ARMC9: variants seen among roughly 807,000 people sequenced by gnomAD.
ARMC9 encodes the protein lisH domain-containing protein ARMC9.
In ARMC9, 94 loss-of-function variants were observed where a neutral mutation model predicts 107.0. The observed-to-expected ratio is 0.88, with a 90% CI of 0.74 to 1.04. ARMC9 has a LOEUF of 1.04. ARMC9 is among the 50% of genes least tolerant of loss of function. The probability of loss-of-function intolerance (pLI) is 0.00; values close to 1 mark genes in which losing one functional copy is unlikely to be tolerated. For synonymous variants in ARMC9, 380 were observed against 396.9 expected (o/e 0.96, Z 0.51); for missense variants, 942 against 1,030.1 (o/e 0.91, Z 1.17).
At chr2:231,356,434 AATAT>A (rs1460068840) in intron 22 of ARMC9, among the ~76,000 whole-genome samples, 3 of 152,212 alleles carry the variant, frequency 2.0e-5, no homozygotes, top group East Asian at 3.8e-4. Context: ...TGCCAGAAAA[AATAT>A]ATATACTTTG....
At chr2:231,273,321 C>T (rs1331206389) in intron 14 of ARMC9, among the ~76,000 whole-genome samples, 1 of 152,166 alleles carries the variant, frequency 6.6e-6, no homozygotes, top group Non-Finnish European at 1.5e-5. Context: ...TATCGAGTGC[C>T]AGCCATGCAG....
chr2:231,350,341 TAAAAC>T lies in ARMC9; in HGVS notation c.1994+5256_1994+5260del, dbSNP rs374813740. On this transcript the variant is annotated intron_variant, in intron 21 of 24. Coordinates refer to ENST00000611582, the MANE Select transcript of ARMC9 (RefSeq NM_001352754.2). ...GTGCCTGGCCTTAAAAGTTGAAAAT[TAAAAC>T]AAAAATATTACGGTACTTTGTTAGA... 5.7e-3 allele frequency among the ~76,000 whole-genome samples: 867 copies of T among 152,110 alleles called. 7 individuals are homozygous for T. Among genetic ancestry groups the T allele is most frequent in the African/African-American group, 0.017 (709 of 41,518 alleles).
rs773618086 is a variant in ARMC9, at chr2:231,269,398, C to CTTTTTTT, written c.1120-1569_1120-1563dup. On this transcript the variant is annotated intron_variant, in intron 12 of 24. Transcript: ENST00000611582. ...TCTTTAGGAGATTTCTTTTCTTCTTCTTTTTTTTTTTTTTTTTTTTTGAGA... is the reference window on the plus strand; with the variant it reads ...TCTTTAGGAGATTTCTTTTCTTCTTCTTTTTTTTTTTTTTTTTTTTTTTTTTTTGAGA... 5.9e-4 allele frequency among the ~76,000 whole-genome samples: 66 copies of CTTTTTTT among 112,366 alleles called. 1 individual carries two copies. Among genetic ancestry groups the CTTTTTTT allele is most frequent in the African/African-American group, 8.2e-4 (21 of 25,766 alleles). 73.7% of individuals were successfully genotyped at this position (112,366 alleles called of 152,430 possible).
intron 9 of ARMC9, among the ~76,000 whole-genome samples, chr2:231,250,759 TG>T (rs2037230472): frequency 6.6e-6 from 1 of 152,038 alleles, no homozygotes; most frequent in Non-Finnish European, 1.5e-5. Context: ...CAAAGACCCC[TG>T]TGTTGAGTGT....
intron 17 of ARMC9, among the ~76,000 whole-genome samples, chr2:231,289,627 G>C (rs1331746065): frequency 2.0e-5 from 3 of 152,192 alleles, no homozygotes; most frequent in Non-Finnish European, 4.4e-5. Flanking sequence ...CAGCAGTGCA[G>C]GGCCAAGGCA....
At position 231,360,954 on chromosome 2, in the gene ARMC9, C is replaced by T; in HGVS notation, c.2261+71C>T. The T allele has an allele frequency of 6.9e-7, 1 of 1,454,294 alleles. No individual in the cohort carries two copies. The highest frequency in any genetic ancestry group is 2.1e-4 in the Middle Eastern group (1 of 4,712). 90.1% of individuals were successfully genotyped at this position (1,454,294 alleles called of 1,614,324 possible). A position where few individuals can be genotyped will look rare whatever the true frequency, so the allele number is the denominator to read the frequency against. On this transcript the variant is annotated intron_variant, in intron 23 of 24. Transcript: ENST00000611582. This position sits in a 1 kb window ranked among gnomAD's most constrained non-coding sequence, Gnocchi z 4.7. ...GGGAGTGGGCGCCCCACGCCGGATG[C>T]AGAGCACCCAGGAGACCTGGAAGGC...
At chr2:231,328,379 T>C (rs2043475296) in intron 19 of ARMC9, among the ~76,000 whole-genome samples, 1 of 152,196 alleles carries the variant, frequency 6.6e-6, no homozygotes, top group Non-Finnish European at 1.5e-5. Flanking sequence ...AACAGCGTCT[T>C]TTCACCGAAC....
At chr2:231,247,490 C>G (rs760624480) in intron 9 of ARMC9, among the ~76,000 whole-genome samples, 1 of 152,194 alleles carries the variant, frequency 6.6e-6, no homozygotes, top group Non-Finnish European at 1.5e-5. Flanking sequence ...TACGCTTTCC[C>G]CACATTGCTG....
chr2:231,234,319 C>T (rs78268860), intron 7 of ARMC9, among the ~76,000 whole-genome samples: 12,476 of 152,122 alleles, frequency 0.082, 641 homozygotes, highest in South Asian at 0.21. Context: ...GGGCTGCCCA[C>T]GGGGGGATTC....
chr2:231,372,974 T>C lies in ARMC9; in HGVS notation c.*1439T>C, dbSNP rs1235735603. 3 of 152,118 alleles carry C rather than the reference T, an allele frequency of 2.0e-5. No individual in the cohort carries two copies. In the East Asian group the frequency reaches 5.8e-4, roughly 29 times the overall value. The allele number at this position is 152,118 out of a possible 1,614,324, so 9.4% of individuals were successfully genotyped here. Reference sequence around the variant, plus strand: ...TACCCATGAGATGACCAGAAGCTCATCCAGGGCCGGGACCCTGGTTCATCT... The same window carrying C: ...TACCCATGAGATGACCAGAAGCTCACCCAGGGCCGGGACCCTGGTTCATCT... On this transcript the variant is annotated 3_prime_UTR_variant, in exon 25 of 25. Coordinates refer to ENST00000611582, the MANE Select transcript of ARMC9 (RefSeq NM_001352754.2).
At chr2:231,290,464 C>G (rs1453043660) in intron 17 of ARMC9, among the ~76,000 whole-genome samples, 1 of 152,162 alleles carries the variant, frequency 6.6e-6, no homozygotes, top group East Asian at 1.9e-4. Flanking sequence ...GCCACTAGAT[C>G]CGTTTCTCTG....
In ARMC9 at chr2:231,302,445, T is replaced by TG. The variant is rs1169202141; in HGVS notation, c.1773+6192_1773+6193insG. 4.9e-5 allele frequency among the ~76,000 whole-genome samples: 7 copies of TG among 142,960 alleles called. No individual in the cohort carries two copies. The South Asian group carries it at 9.2e-4, about 19-fold the overall frequency. 93.8% of individuals were successfully genotyped at this position (142,960 alleles called of 152,430 possible). A position where few individuals can be genotyped will look rare whatever the true frequency, so the allele number is the denominator to read the frequency against. On this transcript the variant is annotated intron_variant, in intron 19 of 24. Coordinates refer to ENST00000611582, the MANE Select transcript of ARMC9 (RefSeq NM_001352754.2). Reference sequence around the variant, plus strand: ...TGTAGCATTGTGGGTTTGTTTTTTTTTTTTTTTTTTTTTTTTTGCCAATCT... The same window carrying TG: ...TGTAGCATTGTGGGTTTGTTTTTTTTGTTTTTTTTTTTTTTTTTGCCAATCT...
intron 1 of ARMC9, among the ~76,000 whole-genome samples, chr2:231,200,357 T>C (rs562399289): frequency 6.6e-6 from 1 of 152,308 alleles, no homozygotes; most frequent in South Asian, 2.1e-4. Flanking sequence ...GGATATGAAG[T>C]TGAAATACAG....
chr2:231,307,048 T>G (rs2042072486), intron 19 of ARMC9, among the ~76,000 whole-genome samples: 1 of 152,106 alleles, frequency 6.6e-6, no homozygotes, highest in Non-Finnish European at 1.5e-5. Context: ...AACCTCAAGG[T>G]GCCCCTGGTT....
At chr2:231,327,598 T>C (rs2043414926) in intron 19 of ARMC9, among the ~76,000 whole-genome samples, 1 of 152,208 alleles carries the variant, frequency 6.6e-6, no homozygotes, top group Admixed American at 6.5e-5. Flanking sequence ...ATCTACTGTT[T>C]CCAGTTTGGG....
chr2:231,268,497 T>C (rs531540016), intron 12 of ARMC9, among the ~76,000 whole-genome samples: 67 of 152,304 alleles, frequency 4.4e-4, no homozygotes, highest in South Asian at 3.9e-3. Flanking sequence ...CAAACTTTTA[T>C]TGATTCCTTT....
chr2:231,268,661 A>G (rs1445150017), intron 12 of ARMC9, among the ~76,000 whole-genome samples: 1 of 152,256 alleles, frequency 6.6e-6, no homozygotes, highest in Non-Finnish European at 1.5e-5. Flanking sequence ...TGTATGGTCA[A>G]GAAATGTCTT....
At chr2:231,220,148 C>A (rs2033963200) in intron 5 of ARMC9, among the ~76,000 whole-genome samples, 2 of 152,176 alleles carry the variant, frequency 1.3e-5, no homozygotes, top group Non-Finnish European at 2.9e-5. Flanking sequence ...AACTCACCCT[C>A]CAGCTATGTT....
chr2:231,289,935 C>A (rs533264418), intron 17 of ARMC9, among the ~76,000 whole-genome samples: 3 of 152,322 alleles, frequency 2.0e-5, no homozygotes, highest in African/African-American at 7.2e-5. Flanking sequence ...GCCACGAACC[C>A]CTACTGGACA....
Sources: gnomAD v4.1 joint callset for allele counts (sites outside exome capture counted in the v4.1 genomes callset) on GRCh38, gnomAD v4.1.1 for gene constraint, Gnocchi (gnomAD v3.1) non-coding constraint, MANE v1.5 for transcripts, NCBI Gene and HGNC (gene_info 2026-07-23, HGNC 2026-07-21) for gene names.